Variants in CNTNAP2 observed in about 807,000 individuals in gnomAD.
The protein encoded by CNTNAP2 is contactin associated protein 2, also known as contactin-associated protein-like 2.
CNTNAP2 carries 98 observed loss-of-function variants against 155.2 expected under a neutral mutation model. That is an observed-to-expected ratio of 0.63 (90% CI 0.54 to 0.75). The LOEUF (loss-of-function observed/expected upper bound fraction) is 0.75. CNTNAP2 is among the 30% of genes least tolerant of loss of function. The pLI is 0.00. For missense variants in CNTNAP2, 1,727 were observed against 1,688.1 expected (o/e 1.02, Z -0.40); for synonymous variants, 651 against 631.2 (o/e 1.03, Z -0.47).
intron 8 of CNTNAP2, among the ~76,000 whole-genome samples, chr7:147,192,522 G>A (rs1802701365): frequency 6.6e-6 from 1 of 151,858 alleles, no homozygotes; most frequent in African/African-American, 2.4e-5. Context: ...CAAACTCTGG[G>A]GTACAGTCCA....
chr7:148,035,960 T>C (rs10239554), intron 15 of CNTNAP2, among the ~76,000 whole-genome samples: 4,871 of 152,318 alleles, frequency 0.032, 271 homozygotes, highest in African/African-American at 0.11. Context: ...TGTTGGCTTT[T>C]TGGACTTACC....
At chr7:146,632,572 T>A (rs1585016010) in intron 1 of CNTNAP2, among the ~76,000 whole-genome samples, 1 of 152,144 alleles carries the variant, frequency 6.6e-6, no homozygotes, top group South Asian at 2.1e-4. Flanking sequence ...AAGTTAATTA[T>A]TCAAAAATCA....
chr7:147,628,323 A>G (rs1020376100), intron 12 of CNTNAP2, among the ~76,000 whole-genome samples: 1 of 152,236 alleles, frequency 6.6e-6, no homozygotes, highest in Middle Eastern at 3.2e-3. Context: ...TTGGGGTGTC[A>G]TCTTTAGCCT....
chr7:147,588,215 A>G (rs1244387453), intron 12 of CNTNAP2, among the ~76,000 whole-genome samples: 2 of 152,064 alleles, frequency 1.3e-5, no homozygotes, highest in Non-Finnish European at 2.9e-5. Flanking sequence ...AAAAAACAAA[A>G]CAAAACGAAA....
At chr7:147,157,593 A>T (rs916737970) in intron 8 of CNTNAP2, among the ~76,000 whole-genome samples, 4 of 151,988 alleles carry the variant, frequency 2.6e-5, no homozygotes, top group Admixed American at 6.6e-5. Flanking sequence ...ATCTATTTTA[A>T]TACTGTGCAA....
chr7:146,262,834 A>G lies in CNTNAP2; in HGVS notation c.97+145861A>G, dbSNP rs74465878. On this transcript the variant is annotated intron_variant, in intron 1 of 23. Coordinates refer to ENST00000361727, the MANE Select transcript of CNTNAP2 (RefSeq NM_014141.6). ...TAGAAATACTTAGTTTTAGGTAGGA[A>G]CAAGGCATGTGCTTACAAATATGCA... 1.2e-3 allele frequency among the ~76,000 whole-genome samples: 178 copies of G among 152,332 alleles called. 3 individuals are homozygous for G. The East Asian group carries it at 0.032, about 27-fold the overall frequency.
At chr7:146,586,843 T>A (rs1381955984) in intron 1 of CNTNAP2, among the ~76,000 whole-genome samples, 1 of 152,194 alleles carries the variant, frequency 6.6e-6, no homozygotes, top group Non-Finnish European at 1.5e-5. Context: ...TAACTGTTAA[T>A]GAGTGTGCAC....
chr7:147,978,476 GGT>G (rs1020625632), intron 15 of CNTNAP2, among the ~76,000 whole-genome samples: 1 of 152,022 alleles, frequency 6.6e-6, no homozygotes, highest in African/African-American at 2.4e-5. Context: ...AGAGCTTGAT[GGT>G]CCCTTGTAAG....
At chr7:147,567,528 G>T (rs1375429459) in intron 12 of CNTNAP2, among the ~76,000 whole-genome samples, 1 of 152,158 alleles carries the variant, frequency 6.6e-6, no homozygotes, top group Non-Finnish European at 1.5e-5. Context: ...GGTTGAAAAT[G>T]GAGACTTAAA....
At chr7:148,283,557 T>G (rs1797027653) in intron 21 of CNTNAP2, among the ~76,000 whole-genome samples, 1 of 152,222 alleles carries the variant, frequency 6.6e-6, no homozygotes, top group Non-Finnish European at 1.5e-5. Flanking sequence ...GTGTACATTC[T>G]CATTTGAAGT....
intron 21 of CNTNAP2, among the ~76,000 whole-genome samples, chr7:148,306,869 A>T (rs1447175460): frequency 6.6e-6 from 1 of 152,038 alleles, no homozygotes; most frequent in African/African-American, 2.4e-5. Context: ...CCTTTAGCTG[A>T]CACCCACATT....
intron 13 of CNTNAP2, among the ~76,000 whole-genome samples, chr7:147,898,186 T>C (rs1161996319): frequency 1.3e-5 from 2 of 152,178 alleles, no homozygotes; most frequent in Admixed American, 6.5e-5. Flanking sequence ...CCTGAATAAC[T>C]AACTCATTTT....
intron 8 of CNTNAP2, among the ~76,000 whole-genome samples, chr7:147,294,161 C>A (rs1805372010): frequency 6.6e-6 from 1 of 152,116 alleles, no homozygotes; most frequent in South Asian, 2.1e-4. Context: ...TATTATGACC[C>A]CAAATATAAG....
chr7:146,512,583 T>G (rs1057375765), intron 1 of CNTNAP2, among the ~76,000 whole-genome samples: 3 of 151,922 alleles, frequency 2.0e-5, no homozygotes, highest in African/African-American at 7.2e-5. Flanking sequence ...TTTCATATAT[T>G]CGTAGAGTTT....
At position 147,003,223 on chromosome 7, in the gene CNTNAP2, A is replaced by G. The variant is rs548257379; in HGVS notation, c.403-40684A>G. On this transcript the variant is annotated intron_variant, in intron 3 of 23. Transcript: ENST00000361727. ...GTATAGCATGACTAGAGCAGAATCAATTCCGATAGAACTGAGTTCTCCATG... is the reference window on the plus strand; with the variant it reads ...GTATAGCATGACTAGAGCAGAATCAGTTCCGATAGAACTGAGTTCTCCATG... Among the ~76,000 whole-genome samples, 167 of 152,162 alleles carry G rather than the reference A, an allele frequency of 1.1e-3. 5 individuals carry two copies. In the South Asian group the frequency reaches 0.033, roughly 30 times the overall value.
chr7:146,810,746 C>A (rs2129193672), intron 2 of CNTNAP2, among the ~76,000 whole-genome samples: 1 of 152,100 alleles, frequency 6.6e-6, no homozygotes, highest in Non-Finnish European at 1.5e-5. Context: ...AGCTGTTCAC[C>A]ATTAAGAGTA....
At chr7:146,302,782 T>G (rs1392618524) in intron 1 of CNTNAP2, among the ~76,000 whole-genome samples, 1 of 152,158 alleles carries the variant, frequency 6.6e-6, no homozygotes, top group Non-Finnish European at 1.5e-5. Context: ...ATCTTATTAT[T>G]ACTATGTTAT....
intron 4 of CNTNAP2, among the ~76,000 whole-genome samples, chr7:147,070,351 G>A (rs1799867177): frequency 6.6e-6 from 1 of 152,138 alleles, no homozygotes. Context: ...TGCCTGTCGG[G>A]GAAAAATGAG....
At position 148,118,538 on chromosome 7, in the gene CNTNAP2, C is replaced by T. The variant is rs71532715; in HGVS notation, c.2554+250C>T. ...GTCAAGAAGATGAGAGAGAACACACCGCCCTGAGAATGTGGGAGAGGAATG... is the reference window on the plus strand; with the variant it reads ...GTCAAGAAGATGAGAGAGAACACACTGCCCTGAGAATGTGGGAGAGGAATG... On this transcript the variant is annotated intron_variant, in intron 16 of 23. Transcript: ENST00000361727. 0.094 allele frequency among the ~76,000 whole-genome samples: 14,304 copies of T among 152,104 alleles called. 700 individuals are homozygous for T. Among genetic ancestry groups the T allele is most frequent in the East Asian group, 0.16 (846 of 5,162 alleles).
Sources: gnomAD v4.1 joint callset for allele counts (sites outside exome capture counted in the v4.1 genomes callset) on GRCh38, gnomAD v4.1.1 for gene constraint, MANE v1.5 for transcripts, NCBI Gene and HGNC (gene_info 2026-07-23, HGNC 2026-07-21) for gene names.